The following BEST2 variants were observed in gnomAD, a reference collection of about 807,000 sequenced individuals.
BEST2 encodes the protein bestrophin 2.
BEST2 carries 36 observed loss-of-function variants against 49.0 expected under a neutral mutation model. That is an observed-to-expected ratio of 0.73 (90% CI 0.56 to 0.97). The LOEUF is 0.97. Ranked by LOEUF, BEST2 falls within the 50% of genes least tolerant of loss-of-function variation. BEST2 has a pLI of 0.00. For missense variants in BEST2, 672 were observed against 710.0 expected (o/e 0.95, Z 0.61); for synonymous variants, 335 against 304.4 (o/e 1.10, Z -1.05).
chr19:12,755,715 G>T lies in BEST2; in HGVS notation c.815G>T (p.Cys272Phe), dbSNP rs377503824. 6.2e-7 allele frequency: 1 copy of T among 1,614,030 alleles called. No homozygotes were observed. Among genetic ancestry groups the T allele is most frequent in the Non-Finnish European group, 8.5e-7 (1 of 1,180,036 alleles). ...TACAAAGACCACGACCTAGACCTGTGTGTGCCCATCTTCACCCTCTTGCAG... is the reference window on the plus strand; with the variant it reads ...TACAAAGACCACGACCTAGACCTGTTTGTGCCCATCTTCACCCTCTTGCAG... ...QGYKDHDLDL[C>F]VPIFTLLQFF... The change falls in exon 7 of 10, where the codon TGT becomes TTT. Residue 272 changes from cysteine (C) to phenylalanine (F), a missense_variant. This residue lies in a region of BEST2 where 365 missense variants were observed against 390.9 expected (regional missense o/e 0.93). Coordinates refer to ENST00000553030, the MANE Select transcript of BEST2 (RefSeq NM_017682.3). This position sits in a 1 kb window ranked among gnomAD's most constrained non-coding sequence, Gnocchi z 4.4.
Position 12,755,334 on chromosome 19 carries a change from T to G in BEST2, c.637-45T>G. ...CGTACCTACACTTAATATCCCTGTG[T>G]GAGCTCACCATTCAGGCCTCCTCAT... On this transcript the variant is annotated intron_variant, in intron 5 of 9. Coordinates refer to ENST00000553030, the MANE Select transcript of BEST2 (RefSeq NM_017682.3). The surrounding 1 kb of genome is among the most constrained non-coding windows in gnomAD (Gnocchi z 4.4). The G allele has an allele frequency of 3.2e-5, 50 of 1,585,744 alleles. No individual in the cohort carries two copies. Among genetic ancestry groups the G allele is most frequent in the Non-Finnish European group, 4.1e-5 (47 of 1,154,310 alleles).
chr19:12,757,975 G>T lies in BEST2; in HGVS notation c.1428G>T (p.Gly476=), dbSNP rs1023104014. ...AGPEPLTLIP[G]PVEPFSIVTM... is the part of the protein sequence containing the mutation. ...CCGAACCGCTTACCCTCATCCCTGG[G>T]CCTGTCGAGCCCTTCAGCATCGTGA... The change falls in exon 10 of 10, where the codon GGG becomes GGT. Residue 476 remains glycine (G), a synonymous_variant. Coordinates refer to ENST00000553030, the MANE Select transcript of BEST2 (RefSeq NM_017682.3). 2 of 1,610,104 alleles carry T rather than the reference G, an allele frequency of 1.2e-6. No individual in the cohort carries two copies.
In BEST2 at chr19:12,753,283, A is replaced by C. The variant is rs1568352114; in HGVS notation, c.176A>C (p.Lys59Thr). The C allele has an allele frequency of 6.2e-7, 1 of 1,614,206 alleles. No individual in the cohort carries two copies. The highest frequency in any genetic ancestry group is 2.2e-5 in the East Asian group (1 of 44,890). ...AGCTTTGTGCTGACCGAAGGGCAGA[A>C]GCGCTACTTCGAGAAGCTTGTGATT... ...AYRFVLTEGQ[K>T]RYFEKLVIYC... The change falls in exon 3 of 10, where the codon AAG becomes ACG. Residue 59 changes from lysine to threonine, a missense_variant. Around this residue, in one of 3 missense-constraint regions of BEST2, gnomAD observed 365 missense variants for 390.9 expected, o/e 0.93. Coordinates refer to ENST00000553030, the MANE Select transcript of BEST2 (RefSeq NM_017682.3).
At chr19:12,751,897 G>C (rs957191990) in intron 1 of BEST2, 58 bp downstream of exon 1, 1 of 153,030 alleles carries the variant, frequency 6.5e-6, no homozygotes, top group Non-Finnish European at 1.5e-5. Context: ...GGAACCTGCG[G>C]GCAGGAATGC....
intron 9 of BEST2, among the ~76,000 whole-genome samples, chr19:12,757,381 C>T (rs1967957678): frequency 6.6e-6 from 1 of 152,162 alleles, no homozygotes; most frequent in African/African-American, 2.4e-5. Context: ...CACTGTACTC[C>T]AGCCTGGGCA....
rs1967941378 is a variant in BEST2, at chr19:12,756,120, CCTG to C, written c.949-20_949-18del. 1 of 1,614,010 alleles carries C rather than the reference CCTG, an allele frequency of 6.2e-7. No individual in the cohort carries two copies. Among genetic ancestry groups the C allele is most frequent in the South Asian group, 1.1e-5 (1 of 91,080 alleles). ...GCGGGTTGCCCTGCCCCCACTTTAC[CCTG>C]TGTGTTTGCACCCGTAGGTGTCCAT... is the stretch of plus-strand genomic sequence containing the variant. On this transcript the variant is annotated intron_variant, in intron 8 of 9. Coordinates refer to ENST00000553030, the MANE Select transcript of BEST2 (RefSeq NM_017682.3).
intron 3 of BEST2, among the ~76,000 whole-genome samples, chr19:12,753,781 C>T (rs370527602): frequency 6.6e-6 from 1 of 152,132 alleles, no homozygotes; most frequent in Non-Finnish European, 1.5e-5. Flanking sequence ...CCTAGCCTGC[C>T]CAAGGCTCCC....
At position 12,755,422 on chromosome 19, in the gene BEST2, A is replaced by G. The variant is rs895379664; in HGVS notation, c.680A>G (p.Tyr227Cys). 3.1e-6 allele frequency: 5 copies of G among 1,614,128 alleles called. No individual in the cohort carries two copies. The Admixed American group carries it at 6.7e-5, about 22-fold the overall frequency. ...GGCAAATGTGGAATGCTCTTTCACT[A>G]TGACTGGATTAGCGTACCCCTCGTG... is the stretch of plus-strand genomic sequence containing the variant. Reference protein sequence around the residue: ...FRGKCGMLFHYDWISVPLVYT... With the variant: ...FRGKCGMLFHCDWISVPLVYT... Residue 227 changes from tyrosine to cysteine, a missense_variant, in exon 6 of 10, where the codon TAT becomes TGT. Coordinates refer to ENST00000553030, the MANE Select transcript of BEST2 (RefSeq NM_017682.3). This position sits in a 1 kb window ranked among gnomAD's most constrained non-coding sequence, Gnocchi z 4.4.
At position 12,757,886 on chromosome 19, in the gene BEST2, A is replaced by C; in HGVS notation, c.1339A>C (p.Ser447Arg). ...VVPEGAAPECSCGDPLLDPGL... is the reference protein window; with the variant it reads ...VVPEGAAPECRCGDPLLDPGL... ...CCCCGAAGGCGCGGCCCCGGAGTGC[A>C]GCTGCGGGGACCCGCTGCTCGACCC... The change falls in exon 10 of 10, where the codon AGC (serine) becomes CGC (arginine). Residue 447 changes from serine to arginine, a missense_variant. By Grantham distance (110) the Ser-to-Arg change is moderately radical (BLOSUM62 -1). Coordinates refer to ENST00000553030, the MANE Select transcript of BEST2 (RefSeq NM_017682.3). 1 of 1,550,930 alleles carries C rather than the reference A, an allele frequency of 6.4e-7. No homozygotes were observed. The highest frequency in any genetic ancestry group is 8.7e-7 in the Non-Finnish European group (1 of 1,148,366).
At chr19:12,756,477 G>T in intron 9 of BEST2, 182 bp downstream of exon 9, 1 of 813,868 alleles carries the variant, frequency 1.2e-6, no homozygotes, top group Non-Finnish European at 1.9e-6. Context: ...TCTGAGACTG[G>T]GCCACTGACT....
chr19:12,751,974 G>A (rs1304308635), intron 1 of BEST2, 135 bp downstream of exon 1: 1 of 153,438 alleles, frequency 6.5e-6, no homozygotes, highest in African/African-American at 2.4e-5. Flanking sequence ...AGAGAGGAAA[G>A]GTCAAGGCGG....
chr19:12,757,064 A>C (rs1232567847), intron 9 of BEST2, among the ~76,000 whole-genome samples: 1 of 151,614 alleles, frequency 6.6e-6, no homozygotes, highest in Non-Finnish European at 1.5e-5. Flanking sequence ...AATCACTTGA[A>C]CCTGGGAGGC....
chr19:12,757,855 G>C lies in BEST2; in HGVS notation c.1308G>C (p.Ala436=), dbSNP rs562622793. ...EASTGASCSC[A]VVPEGAAPEC... is the part of the protein sequence containing the mutation. ...CTACTGGGGCCAGCTGCTCATGCGC[G>C]GTTGTCCCCGAAGGCGCGGCCCCGG... The change falls in exon 10 of 10, where the codon GCG becomes GCC. Residue 436 remains alanine, a synonymous_variant. Transcript: ENST00000553030. 9 of 1,549,250 alleles carry C rather than the reference G, an allele frequency of 5.8e-6. No individual in the cohort carries two copies. The highest frequency in any genetic ancestry group is 3.7e-4 in the Middle Eastern group (2 of 5,476).
chr19:12,753,842 G>A lies in BEST2; in HGVS notation c.247+488G>A, dbSNP rs28498015. On this transcript the variant is annotated intron_variant, in intron 3 of 9. Coordinates refer to ENST00000553030, the MANE Select transcript of BEST2 (RefSeq NM_017682.3). ...TTCAGAAGTTCCTGGCTCAGGGGCC[G>A]GGTGTGGCTACTGTGACAAGCCTGA... 5.4e-3 allele frequency among the ~76,000 whole-genome samples: 815 copies of A among 152,142 alleles called. 9 individuals carry two copies. Among genetic ancestry groups the A allele is most frequent in the African/African-American group, 0.019 (776 of 41,486 alleles).
rs1458661453 is a variant in BEST2 at position 12,757,663 on chromosome 19, A to G, written c.1116A>G (p.Glu372=). 3.2e-6 allele frequency: 5 copies of G among 1,540,252 alleles called. No individual in the cohort carries two copies. In the African/African-American group the frequency reaches 6.9e-5, roughly 21 times the overall value. ...GSTFDITLAK[E]DMQFQRLDGL... is the part of the protein sequence containing the mutation. Reference sequence around the variant, plus strand: ...GTCGGTCCCGCAGGCTGGCCAAAGAAGACATGCAGTTCCAGCGGCTGGACG... The same window carrying G: ...GTCGGTCCCGCAGGCTGGCCAAAGAGGACATGCAGTTCCAGCGGCTGGACG... Residue 372 remains glutamate (E), a synonymous_variant, in exon 10 of 10, where the codon GAA becomes GAG. Coordinates refer to ENST00000553030, the MANE Select transcript of BEST2 (RefSeq NM_017682.3).
chr19:12,757,627 G>T (rs989403923), intron 9 of BEST2, 24 bp from the exon 10 acceptor site: 7 of 1,526,382 alleles, frequency 4.6e-6, no homozygotes, highest in Non-Finnish European at 6.1e-6. Context: ...AGGCCGCAGC[G>T]CTGGCCCACT....
Position 12,755,423 on chromosome 19 carries a change from T to A in BEST2, c.681T>A (p.Tyr227Ter), listed in dbSNP as rs1408280417. The A allele has an allele frequency of 6.2e-7, 1 of 1,614,200 alleles. No individual in the cohort carries two copies. The highest frequency in any genetic ancestry group is 1.7e-5 in the Admixed American group (1 of 60,022). The part of the protein sequence containing the change: ...FRGKCGMLFH[Y>*]DWISVPLVYT... ...GCAAATGTGGAATGCTCTTTCACTA[T>A]GACTGGATTAGCGTACCCCTCGTGT... The change falls in exon 6 of 10, where the codon TAT becomes TAA. Residue 227 changes from tyrosine (Y) to a stop codon, truncating the protein, a stop_gained. Transcript: ENST00000553030. LOFTEE classifies it high-confidence loss of function. This position sits in a 1 kb window ranked among gnomAD's most constrained non-coding sequence, Gnocchi z 4.4.
In BEST2 at chr19:12,758,214, G is replaced by A; in HGVS notation, c.*137G>A. On this transcript the variant is annotated 3_prime_UTR_variant, in exon 10 of 10. Coordinates refer to ENST00000553030, the MANE Select transcript of BEST2 (RefSeq NM_017682.3). ...TTTGACCAGCTCTCGCTGCCCGCAT[G>A]TGTTTGGCGCTGTGCTAGGGGCGGG... 1 of 1,121,384 alleles carries A rather than the reference G, an allele frequency of 8.9e-7. No homozygotes were observed. The highest frequency in any genetic ancestry group is 1.3e-6 in the Non-Finnish European group (1 of 797,324). The allele number at this position is 1,121,384 out of a possible 1,614,324, so 69.5% of individuals were successfully genotyped here.
In BEST2 at chr19:12,755,272, C is replaced by T; in HGVS notation, c.637-107C>T. On this transcript the variant is annotated intron_variant, in intron 5 of 9. Transcript: ENST00000553030. This position sits in a 1 kb window ranked among gnomAD's most constrained non-coding sequence, Gnocchi z 4.4. Reference sequence around the variant, plus strand: ...CTCCCTGGAACCCCCAAAGCACACTCCCAATTCCCACCAGGTGACCACCCA... The same window carrying T: ...CTCCCTGGAACCCCCAAAGCACACTTCCAATTCCCACCAGGTGACCACCCA... The T allele has an allele frequency of 8.0e-7, 1 of 1,254,498 alleles. No homozygotes were observed. Among genetic ancestry groups the T allele is most frequent in the Non-Finnish European group, 1.2e-6 (1 of 866,228 alleles). 77.7% of individuals were successfully genotyped at this position (1,254,498 alleles called of 1,614,324 possible).
Sources: allele counts gnomAD v4.1 joint callset (sites outside exome capture counted in the v4.1 genomes callset), GRCh38; gene constraint gnomAD v4.1.1; regional missense constraint gnomAD v4.1.1; non-coding constraint Gnocchi (gnomAD v3.1); transcripts MANE v1.5; gene names NCBI Gene and HGNC (gene_info 2026-07-23, HGNC 2026-07-21).